DPH3: variants seen among roughly 807,000 people sequenced by gnomAD.
DPH3 encodes diphthamide biosynthesis 3.
A neutral mutation model predicts 10.2 loss-of-function variants in DPH3; 8 were observed. That is an observed-to-expected ratio of 0.79 (90% CI 0.46 to 1.42). DPH3 has a LOEUF of 1.42. Among genes scored for constraint, DPH3 ranks in the 40% most tolerant of loss-of-function variants. The pLI, the probability that DPH3 is intolerant of heterozygous loss-of-function variation, is 0.00. For missense variants in DPH3, 96 were observed against 98.9 expected, an observed-to-expected ratio of 0.97 and a Z score of 0.12; for synonymous variants, 35 against 35.6, an observed-to-expected ratio of 0.98 and a Z score of 0.06.
At position 16,262,283 on chromosome 3, in the gene DPH3, T is replaced by C. The variant is rs2064297101; in HGVS notation, c.184-1454A>G. On this transcript the variant is annotated intron_variant, in intron 2 of 2. Coordinates refer to ENST00000488423, the MANE Select transcript of DPH3 (RefSeq NM_206831.3). This position sits in a 1 kb window ranked among gnomAD's most constrained non-coding sequence, Gnocchi z 4.7. ...AACCAGTATTCTGCCCATTGGTTTC[T>C]TCACTCATGCGCTGTTCCTGTTACT... Among the ~76,000 whole-genome samples the C allele has an allele frequency of 6.6e-6, 1 of 152,214 alleles. No homozygotes were observed. Among genetic ancestry groups the C allele is most frequent in the African/African-American group, 2.4e-5 (1 of 41,446 alleles).
At position 16,264,786 on chromosome 3, in the gene DPH3, T is replaced by C. The variant is rs745978849; in HGVS notation, c.91A>G (p.Asn31Asp). 1 of 1,614,136 alleles carries C rather than the reference T, an allele frequency of 6.2e-7. No homozygotes were observed. The highest frequency in any genetic ancestry group is 1.7e-5 in the Admixed American group (1 of 60,028). ...TYFYPCPCGD[N>D]FSITKEDLEN... Reference sequence around the variant, plus strand: ...GAAGTTACCTTGGTGATGGAGAAGTTATCTCCACATGGGCAGGGATAGAAA... The same window carrying C: ...GAAGTTACCTTGGTGATGGAGAAGTCATCTCCACATGGGCAGGGATAGAAA... Residue 31 changes from asparagine to aspartate, a missense_variant, in exon 1 of 3, where the codon AAC becomes GAC. Transcript: ENST00000488423.
rs949809790 is a variant in DPH3, at chr3:16,257,784, A to AT, written c.*2979dup. Among the ~76,000 whole-genome samples, 2 of 152,130 alleles carry AT rather than the reference A, an allele frequency of 1.3e-5. No homozygotes were observed. The highest frequency in any genetic ancestry group is 6.5e-5 in the Admixed American group (1 of 15,278). ...TGTCTTACTACCACTTGACTCAGTTATTTTTTTCCCAAACAATAGAAATCC... is the reference window on the plus strand; with the variant it reads ...TGTCTTACTACCACTTGACTCAGTTATTTTTTTTCCCAAACAATAGAAATCC... On this transcript the variant is annotated 3_prime_UTR_variant, in exon 3 of 3. Coordinates refer to ENST00000488423, the MANE Select transcript of DPH3 (RefSeq NM_206831.3).
rs1006349927 is a variant in DPH3 at position 16,260,922 on chromosome 3, C to T, written c.184-93G>A. ...TCATTTTGTTACAGCATCAATCCAG[C>T]GCTGTTAATTGTTTTTCATTTGCTA... On this transcript the variant is annotated intron_variant, in intron 2 of 2. Coordinates refer to ENST00000488423, the MANE Select transcript of DPH3 (RefSeq NM_206831.3). 1.6e-4 allele frequency: 178 copies of T among 1,113,912 alleles called. No homozygotes were observed. In the Middle Eastern group the frequency reaches 1.6e-3, roughly 10 times the overall value. The allele number at this position is 1,113,912 out of a possible 1,614,324, so 69.0% of individuals were successfully genotyped here.
Position 16,260,490 on chromosome 3 carries a change from A to C in DPH3, c.*274T>G, listed in dbSNP as rs2064285255. The C allele has an allele frequency of 2.7e-6, 1 of 366,234 alleles. No individual in the cohort carries two copies. The highest frequency in any genetic ancestry group is 2.0e-5 in the African/African-American group (1 of 48,908). 22.7% of individuals were successfully genotyped at this position (366,234 alleles called of 1,614,324 possible). On this transcript the variant is annotated 3_prime_UTR_variant, in exon 3 of 3. Transcript: ENST00000488423. ...TTAAGATATGAAAATGATGAAACCA[A>C]GGGAAAGAAAGCACTGTTTTGAAAT...
chr3:16,263,294 C>T lies in DPH3; in HGVS notation c.183+861G>A, dbSNP rs1354596748. ...GCTCGACTCTCTTACCTCATACCCT[C>T]ATATGTACATGGCTCACTCCCTCAC... On this transcript the variant is annotated intron_variant, in intron 2 of 2. Transcript: ENST00000488423. This position sits in a 1 kb window ranked among gnomAD's most constrained non-coding sequence, Gnocchi z 4.0. 1.3e-5 allele frequency among the ~76,000 whole-genome samples: 2 copies of T among 152,170 alleles called. No individual in the cohort carries two copies. The highest frequency in any genetic ancestry group is 4.8e-5 in the African/African-American group (2 of 41,434).
At position 16,260,631 on chromosome 3, in the gene DPH3, G is replaced by T; in HGVS notation, c.*133C>A. Reference sequence around the variant, plus strand: ...CTTCCTGAAGATGATATCAGCAGTTGATAGAAAGAATCCACACTCTTACAG... The same window carrying T: ...CTTCCTGAAGATGATATCAGCAGTTTATAGAAAGAATCCACACTCTTACAG... On this transcript the variant is annotated 3_prime_UTR_variant, in exon 3 of 3. Transcript: ENST00000488423. 2.9e-6 allele frequency: 2 copies of T among 700,252 alleles called. No individual in the cohort carries two copies. Among genetic ancestry groups the T allele is most frequent in the Non-Finnish European group, 4.8e-6 (2 of 418,600 alleles). The allele number at this position is 700,252 out of a possible 1,614,324, so 43.4% of individuals were successfully genotyped here. A position where few individuals can be genotyped will look rare whatever the true frequency, so the allele number is the denominator to read the frequency against.
In DPH3 at chr3:16,264,230, C is replaced by T. The variant is rs754679940; in HGVS notation, c.109-1G>A. The T allele has an allele frequency of 6.2e-7, 1 of 1,601,522 alleles. No individual in the cohort carries two copies. Among genetic ancestry groups the T allele is most frequent in the East Asian group, 2.3e-5 (1 of 44,348 alleles). ...CGTCTTCCCCATTCTCCAAATCTTC[C>T]TACAACGAAATCAAATACCATGTGG... On this transcript the variant is annotated splice_acceptor_variant, in intron 1 of 2. Coordinates refer to ENST00000488423, the MANE Select transcript of DPH3 (RefSeq NM_206831.3). LOFTEE classifies it high-confidence loss of function.
At position 16,257,108 on chromosome 3, in the gene DPH3, G is replaced by A. The variant is rs564193252; in HGVS notation, c.*3656C>T. Among the ~76,000 whole-genome samples, 1 of 152,192 alleles carries A rather than the reference G, an allele frequency of 6.6e-6. No individual in the cohort carries two copies. Among genetic ancestry groups the A allele is most frequent in the African/African-American group, 2.4e-5 (1 of 41,446 alleles). ...TTCTTGATAAATTATCCAGTCTCAGGTATTGTTACAGCAGCAGAACATGGA... is the reference window on the plus strand; with the variant it reads ...TTCTTGATAAATTATCCAGTCTCAGATATTGTTACAGCAGCAGAACATGGA... On this transcript the variant is annotated 3_prime_UTR_variant, in exon 3 of 3. Coordinates refer to ENST00000488423, the MANE Select transcript of DPH3 (RefSeq NM_206831.3).
rs1307627850 is a variant in DPH3 at position 16,262,678 on chromosome 3, G to C, written c.183+1477C>G. 6.6e-6 allele frequency among the ~76,000 whole-genome samples: 1 copy of C among 152,144 alleles called. No homozygotes were observed. The highest frequency in any genetic ancestry group is 6.5e-5 in the Admixed American group (1 of 15,270). ...GACATTGCTAGCCAATCTCTCTCATGAACGCCAGACATGCATATCCAATTG... is the reference window on the plus strand; with the variant it reads ...GACATTGCTAGCCAATCTCTCTCATCAACGCCAGACATGCATATCCAATTG... On this transcript the variant is annotated intron_variant, in intron 2 of 2. Transcript: ENST00000488423. The surrounding 1 kb of genome is among the most constrained non-coding windows in gnomAD (Gnocchi z 4.7).
chr3:16,259,277 A>G lies in DPH3; in HGVS notation c.*1487T>C, dbSNP rs976798451. On this transcript the variant is annotated 3_prime_UTR_variant, in exon 3 of 3. Coordinates refer to ENST00000488423, the MANE Select transcript of DPH3 (RefSeq NM_206831.3). ...ACATCCAGAATATGCCACATAATGT[A>G]CTGAGCATTTTCAGCTCGGTACATT... The G allele has an allele frequency of 6.6e-6, 1 of 152,230 alleles. No individual in the cohort carries two copies. The highest frequency in any genetic ancestry group is 1.5e-5 in the Non-Finnish European group (1 of 68,036). 9.4% of individuals were successfully genotyped at this position (152,230 alleles called of 1,614,324 possible). A position where few individuals can be genotyped will look rare whatever the true frequency, so the allele number is the denominator to read the frequency against.
rs1367122680 is a variant in DPH3 at position 16,263,999 on chromosome 3, G to C, written c.183+156C>G. Among the ~76,000 whole-genome samples the C allele has an allele frequency of 6.6e-6, 1 of 151,926 alleles. No individual in the cohort carries two copies. The highest frequency in any genetic ancestry group is 1.5e-5 in the Non-Finnish European group (1 of 67,996). On this transcript the variant is annotated intron_variant, in intron 2 of 2. Coordinates refer to ENST00000488423, the MANE Select transcript of DPH3 (RefSeq NM_206831.3). The surrounding 1 kb of genome is among the most constrained non-coding windows in gnomAD (Gnocchi z 4.0). ...TTTAAACGTTTTAATTTACTATTCG[G>C]CTGTTTATCAATGGTGTTTAAAACC... is the stretch of plus-strand genomic sequence containing the variant.
In DPH3 at chr3:16,258,486, GCTTT is replaced by G. The variant is rs2064268905; in HGVS notation, c.*2274_*2277del. ...GTATCTCAGAGTCCAGTTTTACTCT[GCTTT>G]CTCTTTATTTTTTAGGCATGAGGTC... is the stretch of plus-strand genomic sequence containing the variant. On this transcript the variant is annotated 3_prime_UTR_variant, in exon 3 of 3. Coordinates refer to ENST00000488423, the MANE Select transcript of DPH3 (RefSeq NM_206831.3). 6.6e-6 allele frequency: 1 copy of G among 152,190 alleles called. No individual in the cohort carries two copies. Among genetic ancestry groups the G allele is most frequent in the African/African-American group, 2.4e-5 (1 of 41,438 alleles). The allele number at this position is 152,190 out of a possible 1,614,324, so 9.4% of individuals were successfully genotyped here. A position where few individuals can be genotyped will look rare whatever the true frequency, so the allele number is the denominator to read the frequency against.
chr3:16,257,994 GA>G lies in DPH3; in HGVS notation c.*2769del, dbSNP rs2064264488. The G allele has an allele frequency of 6.6e-6, 1 of 152,142 alleles. No individual in the cohort carries two copies. The highest frequency in any genetic ancestry group is 1.5e-5 in the Non-Finnish European group (1 of 68,010). 9.4% of individuals were successfully genotyped at this position (152,142 alleles called of 1,614,324 possible). ...AAAAGCAAATGGATTTGAATTATCT[GA>G]CTTTATTTAGCATGCAATGCAATTT... On this transcript the variant is annotated 3_prime_UTR_variant, in exon 3 of 3. Transcript: ENST00000488423.
intron 2 of DPH3, 55 bp downstream of exon 2, chr3:16,264,100 G>A (rs761121258): frequency 1.2e-5 from 15 of 1,299,964 alleles, no homozygotes; most frequent in Admixed American, 3.9e-5. Context: ...GCTGATCTAA[G>A]TCCTTGCCAC....
Position 16,261,636 on chromosome 3 carries a change from G to A in DPH3, c.184-807C>T, listed in dbSNP as rs1401257493. Among the ~76,000 whole-genome samples, 1 of 152,166 alleles carries A rather than the reference G, an allele frequency of 6.6e-6. No homozygotes were observed. The highest frequency in any genetic ancestry group is 1.5e-5 in the Non-Finnish European group (1 of 68,036). On this transcript the variant is annotated intron_variant, in intron 2 of 2. Coordinates refer to ENST00000488423, the MANE Select transcript of DPH3 (RefSeq NM_206831.3). The surrounding 1 kb of genome is among the most constrained non-coding windows in gnomAD (Gnocchi z 7.1). ...GGGATCCTGCTAGACATCCTATAAT[G>A]CACGGGGTATCTCTGAACAACAAAG...
At chr3:16,264,341 A>G (rs556311768) in intron 1 of DPH3, 112 bp from the exon 2 acceptor site, 86 of 758,570 alleles carry the variant, frequency 1.1e-4, no homozygotes, top group Non-Finnish European at 1.6e-4. Context: ...CTTCCCCCCA[A>G]GGTGGGTGAG....
chr3:16,260,113 C>G lies in DPH3; in HGVS notation c.*651G>C, dbSNP rs2064283042. 6.6e-6 allele frequency: 1 copy of G among 152,170 alleles called. No homozygotes were observed. The highest frequency in any genetic ancestry group is 1.5e-5 in the Non-Finnish European group (1 of 68,024). 9.4% of individuals were successfully genotyped at this position (152,170 alleles called of 1,614,324 possible). ...CTTTCATCACTTCATTTTGGACTTT[C>G]TTTCTTGTTCACTAACTTTTAGCTC... On this transcript the variant is annotated 3_prime_UTR_variant, in exon 3 of 3. Coordinates refer to ENST00000488423, the MANE Select transcript of DPH3 (RefSeq NM_206831.3).
chr3:16,264,040 C>T (rs1422551572), intron 2 of DPH3, 115 bp downstream of exon 2: 5 of 541,690 alleles, frequency 9.2e-6, no homozygotes, highest in African/African-American at 3.9e-5. Flanking sequence ...AAAAAAATAC[C>T]GCACTTTACC....
Position 16,260,656 on chromosome 3 carries a change from G to A in DPH3, c.*108C>T. The A allele has an allele frequency of 1.0e-6, 1 of 973,588 alleles. No homozygotes were observed. The highest frequency in any genetic ancestry group is 1.6e-6 in the Non-Finnish European group (1 of 636,708). The allele number at this position is 973,588 out of a possible 1,614,324, so 60.3% of individuals were successfully genotyped here. On this transcript the variant is annotated 3_prime_UTR_variant, in exon 3 of 3. Coordinates refer to ENST00000488423, the MANE Select transcript of DPH3 (RefSeq NM_206831.3). ...GATAGAAAGAATCCACACTCTTACAGAACAGCAAATCATAAATGGTTGTCT... is the reference window on the plus strand; with the variant it reads ...GATAGAAAGAATCCACACTCTTACAAAACAGCAAATCATAAATGGTTGTCT...
Sources: allele counts gnomAD v4.1 joint callset (sites outside exome capture counted in the v4.1 genomes callset), GRCh38; gene constraint gnomAD v4.1.1; non-coding constraint Gnocchi (gnomAD v3.1); transcripts MANE v1.5; gene names NCBI Gene and HGNC (gene_info 2026-07-23, HGNC 2026-07-21).